Variants in TLE5 observed in about 807,000 individuals in gnomAD.
TLE5 encodes TLE family member 5, transcriptional modulator.
In TLE5, 7 loss-of-function variants were observed where a neutral mutation model predicts 25.8. The ratio of observed to expected loss-of-function variants is 0.27; its 90% confidence interval spans 0.15 to 0.51. TLE5 has a LOEUF of 0.51. Among genes scored for constraint, TLE5 ranks in the 20% least tolerant of loss-of-function variants. TLE5 has a pLI of 0.97. For missense variants in TLE5, 149 were observed against 250.7 expected (o/e 0.59, Z 2.74); for synonymous variants, 132 against 110.5 (o/e 1.20, Z -1.22).
intron 2 of TLE5, 92 bp from the exon 3 acceptor site, chr19:3,057,834 C>A (rs1485138468): frequency 1.6e-6 from 2 of 1,228,888 alleles, no homozygotes; most frequent in Admixed American, 1.9e-5. Flanking sequence ...ACTGAGGCTC[C>A]AAGTCCCCTG....
chr19:3,056,196 T>A, intron 4 of TLE5, 116 bp downstream of exon 4: 1 of 506,452 alleles, frequency 2.0e-6, no homozygotes, highest in Non-Finnish European at 3.3e-6. Context: ...CGGGCTGGCT[T>A]GGTGCCCAGC....
At chr19:3,054,086 T>TCGGGGGGGGCCCCCCCCCCC in intron 6 of TLE5, 34 bp downstream of exon 6, 1 of 1,512,802 alleles carries the variant, frequency 6.6e-7, no homozygotes, top group Non-Finnish European at 8.9e-7. Context: ...GGCCCACCTG[T>TCGGGGGGGGCCCCCCCCCCC]CCCCCGCCCA....
intron 5 of TLE5, chr19:3,055,454 C>A (rs72973299): frequency 0.1 from 41,222 of 393,594 alleles, 2,714 homozygotes; most frequent in Non-Finnish European, 0.14. Context: ...AGGGTGAGGC[C>A]CGCCCCCCAC....
At chr19:3,058,730 G>C (rs1162417965) in intron 2 of TLE5, among the ~76,000 whole-genome samples, 2 of 152,224 alleles carry the variant, frequency 1.3e-5, no homozygotes, top group Non-Finnish European at 2.9e-5. Context: ...GGAGGGAAGA[G>C]AGCAGGCAGG....
At chr19:3,054,383 T>C (rs917283123) in intron 5 of TLE5, 189 bp from the exon 6 acceptor site, 2 of 607,356 alleles carry the variant, frequency 3.3e-6, no homozygotes, top group African/African-American at 3.7e-5. Context: ...ACCAAGCTCG[T>C]CTCTTCGTCT....
chr19:3,054,086 T>TCGGGGGGCGC, intron 6 of TLE5, 34 bp downstream of exon 6: 1 of 1,512,816 alleles, frequency 6.6e-7, no homozygotes, highest in Non-Finnish European at 8.9e-7. Context: ...GGCCCACCTG[T>TCGGGGGGCGC]CCCCCGCCCA....
At chr19:3,060,179 C>G (rs558418749) in intron 2 of TLE5, among the ~76,000 whole-genome samples, 67 of 152,084 alleles carry the variant, frequency 4.4e-4, no homozygotes, top group African/African-American at 1.6e-3. Context: ...CCGGCGTGCC[C>G]CTCCAGAGCA....
chr19:3,053,443 C>G lies in TLE5; in HGVS notation c.*376G>C, dbSNP rs916280833. On this transcript the variant is annotated 3_prime_UTR_variant, in exon 7 of 7. Transcript: ENST00000327141. ...TGCATGCAGTACCAGGGTGAGAGGG[C>G]TGTGGCCCAGGCAGACTGTCGGTTA... The G allele has an allele frequency of 1.5e-5, 4 of 273,356 alleles. No individual in the cohort carries two copies. The highest frequency in any genetic ancestry group is 8.8e-5 in the African/African-American group (4 of 45,350). 16.9% of individuals were successfully genotyped at this position (273,356 alleles called of 1,614,324 possible). A position where few individuals can be genotyped will look rare whatever the true frequency, so the allele number is the denominator to read the frequency against.
At chr19:3,056,715 G>A (rs1370386912) in intron 3 of TLE5, 25 of 407,256 alleles carry the variant, frequency 6.1e-5, no homozygotes, top group Non-Finnish European at 5.3e-5. Context: ...CTGCGGGTGG[G>A]CCCAGACGCC....
chr19:3,055,568 G>A lies in TLE5; in HGVS notation c.297+96C>T. The A allele has an allele frequency of 3.4e-6, 4 of 1,159,698 alleles. No homozygotes were observed. The South Asian group carries it at 5.1e-5, about 15-fold the overall frequency. 71.8% of individuals were successfully genotyped at this position (1,159,698 alleles called of 1,614,324 possible). A position where few individuals can be genotyped will look rare whatever the true frequency, so the allele number is the denominator to read the frequency against. On this transcript the variant is annotated intron_variant, in intron 5 of 6. Transcript: ENST00000327141. ...CCAGAGAGGGGAGGCGTGTGCCCTGGGGCGCCCAGCACACCACCCAAGATG... is the reference window on the plus strand; with the variant it reads ...CCAGAGAGGGGAGGCGTGTGCCCTGAGGCGCCCAGCACACCACCCAAGATG...
intron 2 of TLE5, among the ~76,000 whole-genome samples, chr19:3,058,773 T>A (rs2090240868): frequency 6.6e-6 from 1 of 152,144 alleles, no homozygotes; most frequent in Non-Finnish European, 1.5e-5. Context: ...GAACTGGTGA[T>A]GGTGGTGGGG....
intron 1 of TLE5, among the ~76,000 whole-genome samples, chr19:3,061,682 G>A (rs927521743): frequency 7.3e-5 from 11 of 151,278 alleles, no homozygotes; most frequent in Admixed American, 1.3e-4. Context: ...CTCTCTCGGT[G>A]CTCGAAATCT....
At chr19:3,061,001 CTGTT>C in intron 2 of TLE5, 155 bp downstream of exon 2, 1 of 552,282 alleles carries the variant, frequency 1.8e-6, no homozygotes, top group Non-Finnish European at 3.3e-6. Flanking sequence ...CAAAATGGGG[CTGTT>C]TAAAATAAAT....
At position 3,061,317 on chromosome 19, in the gene TLE5, C is replaced by T. The variant is rs909000611; in HGVS notation, c.28-60G>A. ...CGTGGGCTGGACCCCCCTCAAGGGC[C>T]GGCTAGGAGGGAGCGGCCGCGCAGC... is the stretch of plus-strand genomic sequence containing the variant. On this transcript the variant is annotated intron_variant, in intron 1 of 6. Coordinates refer to ENST00000327141, the MANE Select transcript of TLE5 (RefSeq NM_001130.6). The T allele has an allele frequency of 2.9e-6, 4 of 1,371,516 alleles. No homozygotes were observed. In the African/African-American group the frequency reaches 4.3e-5, roughly 15 times the overall value. 85.0% of individuals were successfully genotyped at this position (1,371,516 alleles called of 1,614,324 possible). A position where few individuals can be genotyped will look rare whatever the true frequency, so the allele number is the denominator to read the frequency against.
chr19:3,059,965 C>T (rs1421117683), intron 2 of TLE5, among the ~76,000 whole-genome samples: 3 of 152,142 alleles, frequency 2.0e-5, no homozygotes, highest in Non-Finnish European at 4.4e-5. Context: ...CGAGGAGGCA[C>T]GAACGGTCTT....
rs1042044840 is a variant in TLE5, at chr19:3,053,682, C to T, written c.*137G>A. On this transcript the variant is annotated 3_prime_UTR_variant, in exon 7 of 7. Transcript: ENST00000327141. The stretch of plus-strand genomic sequence containing the variant: ...GGCCTGCAAGCTGGGCTGGGGCCCC[C>T]GCCGGCGGCCACCATAAATACTATG... 5 of 1,042,986 alleles carry T rather than the reference C, an allele frequency of 4.8e-6. No individual in the cohort carries two copies. The highest frequency in any genetic ancestry group is 2.7e-5 in the Admixed American group (1 of 36,910). The allele number at this position is 1,042,986 out of a possible 1,614,324, so 64.6% of individuals were successfully genotyped here. A position where few individuals can be genotyped will look rare whatever the true frequency, so the allele number is the denominator to read the frequency against.
rs1312901928 is a variant in TLE5 at position 3,053,463 on chromosome 19, C to G, written c.*356G>C. ...GAGGGCTGTGGCCCAGGCAGACTGTCGGTTACACATGTTCAAAACGGGGGA... is the reference window on the plus strand; with the variant it reads ...GAGGGCTGTGGCCCAGGCAGACTGTGGGTTACACATGTTCAAAACGGGGGA... On this transcript the variant is annotated 3_prime_UTR_variant, in exon 7 of 7. Coordinates refer to ENST00000327141, the MANE Select transcript of TLE5 (RefSeq NM_001130.6). 5 of 321,220 alleles carry G rather than the reference C, an allele frequency of 1.6e-5. No individual in the cohort carries two copies. The highest frequency in any genetic ancestry group is 2.9e-5 in the Non-Finnish European group (5 of 171,456). 19.9% of individuals were successfully genotyped at this position (321,220 alleles called of 1,614,324 possible).
In TLE5 at chr19:3,061,323, G is replaced by C. The variant is rs2090265354; in HGVS notation, c.28-66C>G. ...CTGGACCCCCCTCAAGGGCCGGCTA[G>C]GAGGGAGCGGCCGCGCAGCTGCGGC... On this transcript the variant is annotated intron_variant, in intron 1 of 6. Transcript: ENST00000327141. The C allele has an allele frequency of 3.1e-6, 4 of 1,296,880 alleles. No individual in the cohort carries two copies. In the African/African-American group the frequency reaches 4.4e-5, roughly 14 times the overall value. The allele number at this position is 1,296,880 out of a possible 1,614,324, so 80.3% of individuals were successfully genotyped here.
At chr19:3,059,516 G>A (rs1212562385) in intron 2 of TLE5, among the ~76,000 whole-genome samples, 5 of 152,062 alleles carry the variant, frequency 3.3e-5, no homozygotes, top group Admixed American at 2.0e-4. Context: ...GCAAGACTCC[G>A]TCTCAAAAAA....
Sources: gnomAD v4.1 joint callset for allele counts (sites outside exome capture counted in the v4.1 genomes callset) on GRCh38, gnomAD v4.1.1 for gene constraint, MANE v1.5 for transcripts, NCBI Gene and HGNC (gene_info 2026-07-23, HGNC 2026-07-21) for gene names.